The following MEGF10 variants were observed in gnomAD, a reference collection of about 807,000 sequenced individuals.
MEGF10 encodes the protein multiple EGF like domains 10.
In MEGF10, 86 loss-of-function variants were observed where a neutral mutation model predicts 147.5. The ratio of observed to expected loss-of-function variants is 0.58; its 90% CI spans 0.49 to 0.70. MEGF10 has a LOEUF of 0.70. Among genes scored for constraint, MEGF10 ranks in the 30% least tolerant of loss-of-function variants. MEGF10 has a pLI of 0.00. For synonymous variants in MEGF10, 478 were observed against 525.5 expected (o/e 0.91, Z 1.24); for missense variants, 1,329 against 1,487.3 (o/e 0.89, Z 1.75).
chr5:127,410,278 A>G (rs1764503200), intron 8 of MEGF10, 111 bp from the exon 9 acceptor site: 2 of 965,982 alleles, frequency 2.1e-6, no homozygotes, highest in Non-Finnish European at 3.2e-6. Flanking sequence ...AATAATTGCA[A>G]GAGCAAAAAG....
chr5:127,400,162 A>G (rs753162099), intron 7 of MEGF10, among the ~76,000 whole-genome samples: 24 of 152,210 alleles, frequency 1.6e-4, no homozygotes, highest in African/African-American at 3.4e-4. Context: ...GGACAAGTAT[A>G]CAATAAAAAT....
intron 12 of MEGF10, among the ~76,000 whole-genome samples, chr5:127,421,854 A>T (rs891567964): frequency 1.7e-4 from 26 of 149,944 alleles, no homozygotes; most frequent in South Asian, 2.1e-4. Context: ...AAATTTTTTT[A>T]AATTATAAAT....
the MEGF10 span, among the ~76,000 whole-genome samples, chr5:127,270,167 G>A: frequency 6.6e-6 from 1 of 152,164 alleles, no homozygotes; most frequent in African/African-American, 2.4e-5. Context: ...GGAAGAAACT[G>A]CATCAACTAA....
intron 1 of MEGF10, among the ~76,000 whole-genome samples, chr5:127,317,025 A>G (rs925334823): frequency 6.6e-6 from 1 of 152,202 alleles, no homozygotes; most frequent in Non-Finnish European, 1.5e-5. Flanking sequence ...TTTGGGGAAA[A>G]TCAAGTACCT....
At chr5:127,314,117 G>C (rs1760419912) in intron 1 of MEGF10, among the ~76,000 whole-genome samples, 1 of 152,114 alleles carries the variant, frequency 6.6e-6, no homozygotes, top group Admixed American at 6.5e-5. Flanking sequence ...TGAGGCATCT[G>C]TTCTCCCCAG....
At chr5:127,446,946 C>G (rs1765958949) in intron 20 of MEGF10, among the ~76,000 whole-genome samples, 1 of 152,150 alleles carries the variant, frequency 6.6e-6, no homozygotes, top group Non-Finnish European at 1.5e-5. Flanking sequence ...TCAGCAAAGG[C>G]CTGCTTGACT....
upstream of MEGF10, among the ~76,000 whole-genome samples, chr5:127,288,729 G>A (rs1315341953): frequency 6.6e-6 from 1 of 152,140 alleles, no homozygotes; most frequent in Non-Finnish European, 1.5e-5. Context: ...ACTCCTGTAA[G>A]ATAAGAAAAA....
intron 22 of MEGF10, among the ~76,000 whole-genome samples, 173 bp from the exon 23 acceptor site, chr5:127,454,393 T>C (rs989475149): frequency 2.6e-5 from 4 of 152,168 alleles, no homozygotes; most frequent in Admixed American, 6.5e-5. Flanking sequence ...TGTGTGTGTT[T>C]AATTCTAGGC....
At chr5:127,377,726 A>G (rs767494485) in intron 5 of MEGF10, among the ~76,000 whole-genome samples, 13 of 152,238 alleles carry the variant, frequency 8.5e-5, no homozygotes, top group Middle Eastern at 3.2e-3. Flanking sequence ...ATTTCCTAGC[A>G]AAGTCTGCTG....
intron 4 of MEGF10, among the ~76,000 whole-genome samples, chr5:127,363,629 T>C (rs17673224): frequency 0.034 from 5,107 of 152,244 alleles, 148 homozygotes; most frequent in South Asian, 0.085. Flanking sequence ...ATTCTGTTAA[T>C]AAAGGTTGAA....
At position 127,398,882 on chromosome 5, in the gene MEGF10, G is replaced by C. The variant is rs759837430; in HGVS notation, c.780+86G>C. The C allele has an allele frequency of 4.7e-4, 729 of 1,556,400 alleles. 1 individual carries two copies. Among genetic ancestry groups the C allele is most frequent in the Non-Finnish European group, 4.8e-4 (553 of 1,142,932 alleles). ...GTGCATACACATGCAGGAGACTTTA[G>C]CACAAAGGAAAGTTACCATGATGGT... On this transcript the variant is annotated intron_variant, in intron 7 of 24. Transcript: ENST00000503335.
intron 13 of MEGF10, 85 bp downstream of exon 13, chr5:127,422,857 C>A: frequency 1.1e-6 from 1 of 947,996 alleles, no homozygotes; most frequent in Non-Finnish European, 1.6e-6. Flanking sequence ...CAGAAACACA[C>A]ACCAGTCAAC....
intron 4 of MEGF10, among the ~76,000 whole-genome samples, chr5:127,361,676 T>G (rs1253699877): frequency 6.6e-6 from 1 of 152,168 alleles, no homozygotes; most frequent in Non-Finnish European, 1.5e-5. Context: ...AAATTTCCTC[T>G]ATGTGCTGCT....
At chr5:127,250,813 G>A in the MEGF10 span, among the ~76,000 whole-genome samples, 1 of 151,534 alleles carries the variant, frequency 6.6e-6, no homozygotes, top group East Asian at 1.9e-4. Context: ...AATTCAGTAC[G>A]ACAGATACAA....
rs763760050 is a variant in MEGF10 at position 127,340,560 on chromosome 5, G to A, written c.249G>A (p.Gly83=). 17 of 1,612,666 alleles carry A rather than the reference G, an allele frequency of 1.1e-5. No individual in the cohort carries two copies. The highest frequency in any genetic ancestry group is 1.2e-5 in the Non-Finnish European group (14 of 1,179,094). ...GCTATCGGACAGCCTATCGACATGG[G>A]GAGAAGACTATGTATAGGCGCAAGT... ...RVSYRTAYRH[G]EKTMYRRKSQ... Residue 83 remains glycine, a synonymous_variant, in exon 4 of 25, where the codon GGG becomes GGA. Coordinates refer to ENST00000503335, the MANE Select transcript of MEGF10 (RefSeq NM_001256545.2).
chr5:127,247,553 C>T, the MEGF10 span, among the ~76,000 whole-genome samples: 1 of 151,814 alleles, frequency 6.6e-6, no homozygotes, highest in Admixed American at 6.6e-5. Context: ...TTTATCTATG[C>T]AACTTTATTT....
At chr5:127,340,669 T>C in intron 4 of MEGF10, 39 bp downstream of exon 4, 1 of 1,553,890 alleles carries the variant, frequency 6.4e-7, no homozygotes, top group South Asian at 1.1e-5. Context: ...TCGCTAGTTT[T>C]TCCCAGTGCT....
chr5:127,294,755 C>T (rs1006914978), intron 1 of MEGF10, among the ~76,000 whole-genome samples: 14 of 150,854 alleles, frequency 9.3e-5, no homozygotes, highest in African/African-American at 1.7e-4. Flanking sequence ...GCTGAGATCG[C>T]GACACTGCAC....
At chr5:127,430,909 T>C (rs1386864621) in intron 13 of MEGF10, among the ~76,000 whole-genome samples, 1 of 152,262 alleles carries the variant, frequency 6.6e-6, no homozygotes, top group Admixed American at 6.5e-5. Flanking sequence ...AGAATTTTTA[T>C]AATTTATATT....
Sources: allele counts gnomAD v4.1 joint callset (sites outside exome capture counted in the v4.1 genomes callset), GRCh38; gene constraint gnomAD v4.1.1; transcripts MANE v1.5; gene names NCBI Gene and HGNC (gene_info 2026-07-23, HGNC 2026-07-21).